Variants in RIPOR1 observed in about 807,000 individuals in gnomAD.
RIPOR1 encodes RHO family interacting cell polarization regulator 1.
RIPOR1 carries 58 observed loss-of-function variants against 116.5 expected under a neutral mutation model. The observed-to-expected ratio is 0.50, with a 90% CI of 0.40 to 0.62. The LOEUF is 0.62. Among genes scored for constraint, RIPOR1 ranks in the 20% least tolerant of loss-of-function variants. The pLI, the probability that RIPOR1 is intolerant of heterozygous loss-of-function variation, is 0.00. For synonymous variants in RIPOR1, 605 were observed against 650.0 expected (o/e 0.93, Z 1.05); for missense variants, 1,372 against 1,586.2 (o/e 0.86, Z 2.29).
In RIPOR1 at chr16:67,542,300, C is replaced by T; in HGVS notation, c.1514C>T (p.Thr505Ile). Residue 505 changes from threonine (T) to isoleucine (I), a missense_variant, in exon 13 of 22, where the codon ACA becomes ATA. By Grantham distance (89) the Thr-to-Ile change is moderately conservative (BLOSUM62 -1). Around this residue, in one of 3 missense-constraint regions of RIPOR1, gnomAD observed 1,005 missense variants for 1,144.7 expected, o/e 0.88. Transcript: ENST00000042381. The surrounding 1 kb of genome is among the most constrained non-coding windows in gnomAD (Gnocchi z 4.6). Reference sequence around the variant, plus strand: ...GCCCTGGACCCTGGCCACTCTGCCACAAGCTCTACCCTCGGTACAACAGGC... The same window carrying T: ...GCCCTGGACCCTGGCCACTCTGCCATAAGCTCTACCCTCGGTACAACAGGC... ...PPALDPGHSA[T>I]SSTLGTTGSV... 3.1e-6 allele frequency: 5 copies of T among 1,613,984 alleles called. No homozygotes were observed. The highest frequency in any genetic ancestry group is 4.2e-6 in the Non-Finnish European group (5 of 1,179,964).
Position 67,546,398 on chromosome 16 carries a change from G to C in RIPOR1, c.3595G>C (p.Glu1199Gln), listed in dbSNP as rs1474995508. Reference protein sequence around the residue: ...EEGQSAHRRLEESLDALPRIF... With the variant: ...EEGQSAHRRLQESLDALPRIF... ...GGGACAGTCTGCCCATCGACGGCTG[G>C]AGGAGTCCCTGGACGCCCTGCCCCG... is the stretch of plus-strand genomic sequence containing the variant. The change falls in exon 22 of 22, where the codon GAG (glutamate) becomes CAG (glutamine). Residue 1199 changes from glutamate (E) to glutamine (Q), a missense_variant. Physicochemically the swap from Glu to Gln is conservative, Grantham distance 29. Coordinates refer to ENST00000042381, the MANE Select transcript of RIPOR1 (RefSeq NM_024519.4). The C allele has an allele frequency of 6.2e-7, 1 of 1,614,076 alleles. No individual in the cohort carries two copies. The highest frequency in any genetic ancestry group is 2.2e-5 in the East Asian group (1 of 44,884).
chr16:67,539,846 C>G lies in RIPOR1; in HGVS notation c.361C>G (p.Gln121Glu), dbSNP rs1483226154. ...RLGFLYDLDK[Q>E]VKSIERFLRR... ...CCCTCCTGACCCACCTCTCCCCCAG[C>G]AAGTCAAGTCCATTGAACGCTTCCT... The change falls in exon 6 of 22, where the codon CAA (glutamine) becomes GAA (glutamate). Residue 121 changes from glutamine to glutamate, a missense_variant and splice_region_variant. Transcript: ENST00000042381. The G allele has an allele frequency of 6.2e-7, 1 of 1,614,092 alleles. No individual in the cohort carries two copies. Among genetic ancestry groups the G allele is most frequent in the Non-Finnish European group, 8.5e-7 (1 of 1,180,040 alleles).
intron 1 of RIPOR1, chr16:67,538,064 C>T (rs981150557): frequency 4.4e-6 from 1 of 227,102 alleles, no homozygotes; most frequent in Non-Finnish European, 8.6e-6. Flanking sequence ...GGGGAGGCTG[C>T]CCCGCCCCCG....
chr16:67,525,143 G>C (rs1484252547), upstream of RIPOR1, among the ~76,000 whole-genome samples: 2 of 152,160 alleles, frequency 1.3e-5, no homozygotes, highest in African/African-American at 4.8e-5. Flanking sequence ...CCCCAACAAA[G>C]AGCCACGCTA....
intron 1 of RIPOR1, among the ~76,000 whole-genome samples, chr16:67,522,288 C>T (rs1292571976): frequency 2.0e-5 from 3 of 147,546 alleles, no homozygotes; most frequent in East Asian, 2.0e-4. Context: ...CTGAAACCTC[C>T]GCCTCCCAGG....
At chr16:67,534,617 C>A (rs1475230476) in intron 1 of RIPOR1, among the ~76,000 whole-genome samples, 3 of 152,108 alleles carry the variant, frequency 2.0e-5, no homozygotes, top group Admixed American at 2.0e-4. Context: ...AGTCACAACA[C>A]CTGGAGGGAG....
Position 67,541,584 on chromosome 16 carries a change from TG to T in RIPOR1, c.950+10del, listed in dbSNP as rs768396816. 14 of 1,614,012 alleles carry T rather than the reference TG, an allele frequency of 8.7e-6. No individual in the cohort carries two copies. The highest frequency in any genetic ancestry group is 6.6e-5 in the South Asian group (6 of 91,074). ...AGCCTGGAAGTCACATGGAGGTTGGTGGGGCTGAGAGGCTTGGAGGAGGGCC... is the reference window on the plus strand; with the variant it reads ...AGCCTGGAAGTCACATGGAGGTTGGTGGGCTGAGAGGCTTGGAGGAGGGCC... On this transcript the variant is annotated splice_region_variant and intron_variant, in intron 11 of 21. Coordinates refer to ENST00000042381, the MANE Select transcript of RIPOR1 (RefSeq NM_024519.4). The surrounding 1 kb of genome is among the most constrained non-coding windows in gnomAD (Gnocchi z 4.6).
chr16:67,530,148 C>T lies in RIPOR1; in HGVS notation c.-24+1234C>T. 2.2e-6 allele frequency: 1 copy of T among 452,102 alleles called. No individual in the cohort carries two copies. Among genetic ancestry groups the T allele is most frequent in the Non-Finnish European group, 4.0e-6 (1 of 250,708 alleles). The allele number at this position is 452,102 out of a possible 1,614,324, so 28.0% of individuals were successfully genotyped here. On this transcript the variant is annotated intron_variant, in intron 1 of 21. Transcript: ENST00000042381. This position sits in a 1 kb window ranked among gnomAD's most constrained non-coding sequence, Gnocchi z 4.5. ...TGAGGGGAGGACTCAGGACTCTGGG[C>T]TGGGTCCCGCTTGAGAGAAGCGGGC...
chr16:67,541,286 T>G lies in RIPOR1; in HGVS notation c.802-144T>G. 1.3e-6 allele frequency: 1 copy of G among 780,622 alleles called. No homozygotes were observed. Among genetic ancestry groups the G allele is most frequent in the Non-Finnish European group, 2.0e-6 (1 of 497,380 alleles). The allele number at this position is 780,622 out of a possible 1,614,324, so 48.4% of individuals were successfully genotyped here. ...AGTCTTGCCATGTTGCCCAAGCTGG[T>G]CTTGAACTCCTGGCCTTAAGTGATC... On this transcript the variant is annotated intron_variant, in intron 10 of 21. Coordinates refer to ENST00000042381, the MANE Select transcript of RIPOR1 (RefSeq NM_024519.4). This position sits in a 1 kb window ranked among gnomAD's most constrained non-coding sequence, Gnocchi z 4.6.
chr16:67,528,655 C>T (rs1381605939), upstream of RIPOR1: 1 of 152,332 alleles, frequency 6.6e-6, no homozygotes, highest in Admixed American at 6.5e-5. Context: ...TCTGCCCTCC[C>T]TGCAAGCTGG....
chr16:67,546,349 A>G lies in RIPOR1; in HGVS notation c.3563-17A>G, dbSNP rs770612590. On this transcript the variant is annotated splice_polypyrimidine_tract_variant and intron_variant, in intron 21 of 21. Transcript: ENST00000042381. ...TGGGGCTAGGGCCACCCTTGACCTC[A>G]TCCTCACTCATTACAGGAGAAGAGG... 4 of 1,612,500 alleles carry G rather than the reference A, an allele frequency of 2.5e-6. No individual in the cohort carries two copies. The highest frequency in any genetic ancestry group is 3.4e-6 in the Non-Finnish European group (4 of 1,178,686).
chr16:67,524,356 T>C (rs923567225), upstream of RIPOR1, among the ~76,000 whole-genome samples: 2 of 152,142 alleles, frequency 1.3e-5, no homozygotes, highest in Non-Finnish European at 2.9e-5. Context: ...GCAAGCCTCA[T>C]ACCTACCTCC....
In RIPOR1 at chr16:67,539,733, C is replaced by T. The variant is rs1384108426; in HGVS notation, c.342C>T (p.Phe114=). Residue 114 remains phenylalanine, a synonymous_variant, in exon 5 of 22, where the codon TTC becomes TTT. Coordinates refer to ENST00000042381, the MANE Select transcript of RIPOR1 (RefSeq NM_024519.4). ...CCTTCTCCCCACCCCTGCAGGGCTT[C>T]CTGTATGATCTGGACAAGGTGAGTA... ...RESKRNSRLG[F]LYDLDKQVKS... is the part of the protein sequence containing the mutation. The T allele has an allele frequency of 1.2e-6, 2 of 1,614,132 alleles. No individual in the cohort carries two copies. Among genetic ancestry groups the T allele is most frequent in the Non-Finnish European group, 1.7e-6 (2 of 1,180,010 alleles).
intron 1 of RIPOR1, among the ~76,000 whole-genome samples, chr16:67,521,323 T>G (rs2050493318): frequency 6.6e-6 from 1 of 152,130 alleles, no homozygotes; most frequent in Non-Finnish European, 1.5e-5. Context: ...CAGCCCCAGG[T>G]CGTCATCCGA....
chr16:67,536,632 T>A (rs2050801887), intron 1 of RIPOR1, among the ~76,000 whole-genome samples: 3 of 151,922 alleles, frequency 2.0e-5, no homozygotes, highest in Non-Finnish European at 4.4e-5. Flanking sequence ...GAGCACTCCC[T>A]CTGTGGGAGT....
Position 67,540,306 on chromosome 16 carries a change from T to C in RIPOR1, c.574T>C (p.Cys192Arg), listed in dbSNP as rs1170620485. The change falls in exon 8 of 22, where the codon TGT becomes CGT. Residue 192 changes from cysteine to arginine, a missense_variant. Coordinates refer to ENST00000042381, the MANE Select transcript of RIPOR1 (RefSeq NM_024519.4). This position sits in a 1 kb window ranked among gnomAD's most constrained non-coding sequence, Gnocchi z 4.7. ...RGHREYTESM[C>R]LLESELEAQL... is the part of the protein sequence containing the mutation. ...CCCTGCCCCTCCCTCCCAGAGCATG[T>C]GTCTGCTGGAGAGCGAGCTGGAGGC... 1.9e-6 allele frequency: 3 copies of C among 1,614,072 alleles called. No individual in the cohort carries two copies. Among genetic ancestry groups the C allele is most frequent in the Non-Finnish European group, 1.7e-6 (2 of 1,180,006 alleles).
At chr16:67,539,331 TGCAGTGGTACTGA>T (rs1363908209) in intron 4 of RIPOR1, 5 of 528,992 alleles carry the variant, frequency 9.5e-6, no homozygotes, top group South Asian at 4.4e-5. Flanking sequence ...GAGATTCTGC[TGCAGTGGTACTGA>T]GCAGTGGTAC....
Position 67,530,560 on chromosome 16 carries a change from G to A in RIPOR1, c.-24+1646G>A, listed in dbSNP as rs1018737047. On this transcript the variant is annotated intron_variant, in intron 1 of 21. Coordinates refer to ENST00000042381, the MANE Select transcript of RIPOR1 (RefSeq NM_024519.4). This position sits in a 1 kb window ranked among gnomAD's most constrained non-coding sequence, Gnocchi z 4.5. ...GTCGGGGCGGCCCCGGGGTGGGGCG[G>A]GGCTAGACCCGGGGACTCCCAGAGA... is the stretch of plus-strand genomic sequence containing the variant. 2.0e-5 allele frequency among the ~76,000 whole-genome samples: 3 copies of A among 152,196 alleles called. No individual in the cohort carries two copies. Among genetic ancestry groups the A allele is most frequent in the Admixed American group, 6.5e-5 (1 of 15,286 alleles).
chr16:67,536,708 C>T (rs144648430), intron 1 of RIPOR1, among the ~76,000 whole-genome samples: 116 of 152,190 alleles, frequency 7.6e-4, no homozygotes, highest in Non-Finnish European at 1.3e-3. Flanking sequence ...TCTCTCTTGG[C>T]GCAGCAGCAC....
Sources: allele counts gnomAD v4.1 joint callset (sites outside exome capture counted in the v4.1 genomes callset), GRCh38; gene constraint gnomAD v4.1.1; regional missense constraint gnomAD v4.1.1; non-coding constraint Gnocchi (gnomAD v3.1); transcripts MANE v1.5; gene names NCBI Gene and HGNC (gene_info 2026-07-23, HGNC 2026-07-21).